The following SNX29 variants were observed in gnomAD, a reference collection of about 807,000 sequenced individuals.
SNX29 encodes sorting nexin-29.
In SNX29, 78 loss-of-function variants were observed where a neutral mutation model predicts 102.1. That is an observed-to-expected ratio of 0.76 (90% confidence interval 0.64 to 0.92). The LOEUF is 0.92. SNX29 is among the 40% of genes least tolerant of loss of function. The pLI, the probability that SNX29 is intolerant of heterozygous loss-of-function variation, is 0.00. For missense variants in SNX29, 1,280 were observed against 1,061.7 expected (o/e 1.21, Z -2.86); for synonymous variants, 580 against 414.5 (o/e 1.40, Z -4.85).
At chr16:12,134,143 T>C (rs995457420) in intron 13 of SNX29, among the ~76,000 whole-genome samples, 1 of 152,160 alleles carries the variant, frequency 6.6e-6, no homozygotes, top group African/African-American at 2.4e-5. Context: ...ATGAGACATA[T>C]GTTAAAAAAG....
chr16:12,288,644 T>A (rs8063991), intron 15 of SNX29, among the ~76,000 whole-genome samples: 96,460 of 149,784 alleles, frequency 0.64, 32,336 homozygotes, highest in African/African-American at 0.82. Context: ...GCACCACTGC[T>A]TTCCAGCCTA....
At chr16:12,235,785 T>TTGTGTGTGTG (rs71408254) in intron 14 of SNX29, among the ~76,000 whole-genome samples, 7 of 147,958 alleles carry the variant, frequency 4.7e-5, no homozygotes, top group East Asian at 2.0e-4. Context: ...GGGTTGTAAA[T>TTGTGTGTGTG]TGTGTGTGTG....
At chr16:12,452,365 A>AAATGTCAG (rs1309501704) in intron 18 of SNX29, among the ~76,000 whole-genome samples, 12 of 18,538 alleles carry the variant, frequency 6.5e-4, no homozygotes, top group Non-Finnish European at 8.5e-5. Flanking sequence ...GACAGCTCCC[A>AAATGTCAG]TACAAGACTG....
At chr16:12,538,077 C>A (rs1025633571) in intron 20 of SNX29, among the ~76,000 whole-genome samples, 2 of 151,022 alleles carry the variant, frequency 1.3e-5, no homozygotes, top group African/African-American at 4.9e-5. Context: ...GCTTTCTTCT[C>A]AGTGGGCTAA....
chr16:12,024,054 G>A (rs1172031338), intron 3 of SNX29, among the ~76,000 whole-genome samples: 1 of 152,126 alleles, frequency 6.6e-6, no homozygotes, highest in Non-Finnish European at 1.5e-5. Context: ...ACAGAGAGTG[G>A]CGAGCGCTGC....
chr16:12,541,393 C>G (rs139947729), intron 20 of SNX29, among the ~76,000 whole-genome samples: 1 of 152,150 alleles, frequency 6.6e-6, no homozygotes, highest in East Asian at 1.9e-4. Context: ...TGTGCAGGCT[C>G]ATTGTACAGA....
At chr16:11,977,032 G>A in intron 1 of SNX29, 1 of 471,434 alleles carries the variant, frequency 2.1e-6, no homozygotes, top group Non-Finnish European at 3.4e-6. Flanking sequence ...CTGGTCTCCT[G>A]ACTCCTGTCC....
At chr16:12,302,068 GTCCTT>G (rs2080190464) in intron 15 of SNX29, among the ~76,000 whole-genome samples, 1 of 152,308 alleles carries the variant, frequency 6.6e-6, no homozygotes, top group African/African-American at 2.4e-5. Flanking sequence ...AGTGCCTACG[GTCCTT>G]TCTTTATCAG....
intron 13 of SNX29, among the ~76,000 whole-genome samples, chr16:12,157,692 C>T (rs1462007092): frequency 2.6e-5 from 4 of 152,156 alleles, no homozygotes; most frequent in East Asian, 1.9e-4. Context: ...CATGTGAGCT[C>T]GTAAGTGAAG....
chr16:12,227,285 C>G (rs910963252), intron 14 of SNX29, among the ~76,000 whole-genome samples: 7 of 152,178 alleles, frequency 4.6e-5, no homozygotes, highest in Admixed American at 4.6e-4. Context: ...CATTTCTCAC[C>G]TTTTCCTTTT....
At chr16:12,489,581 T>C (rs1223666155) in intron 19 of SNX29, among the ~76,000 whole-genome samples, 8 of 152,340 alleles carry the variant, frequency 5.3e-5, no homozygotes, top group Non-Finnish European at 1.0e-4. Flanking sequence ...TGGGCTGTGG[T>C]GAAGAGTGAA....
chr16:12,543,200 C>T (rs1057095044), intron 20 of SNX29, among the ~76,000 whole-genome samples: 2 of 152,202 alleles, frequency 1.3e-5, no homozygotes, highest in Non-Finnish European at 2.9e-5. Context: ...AAATCATATT[C>T]ATCACGTTGC....
At position 12,569,505 on chromosome 16, in the gene SNX29, A is replaced by G. The variant is rs142288665; in HGVS notation, c.*876A>G. 4.3e-6 allele frequency: 1 copy of G among 231,662 alleles called. No homozygotes were observed. The highest frequency in any genetic ancestry group is 5.6e-5 in the Admixed American group (1 of 17,720). 14.4% of individuals were successfully genotyped at this position (231,662 alleles called of 1,614,324 possible). A position where few individuals can be genotyped will look rare whatever the true frequency, so the allele number is the denominator to read the frequency against. ...ACTGCAGAAGGTTCCAGGGTTTTCA[A>G]ACCAGGCTCCATGACTATGAAGTTG... On this transcript the variant is annotated 3_prime_UTR_variant, in exon 21 of 21. Coordinates refer to ENST00000566228, the MANE Select transcript of SNX29 (RefSeq NM_032167.5).
chr16:12,022,158 A>T (rs1596616628), intron 3 of SNX29, among the ~76,000 whole-genome samples: 3 of 138,668 alleles, frequency 2.2e-5, no homozygotes, highest in South Asian at 2.3e-4. Context: ...AATTGTAAGT[A>T]TACAATTCAG....
Position 12,572,570 on chromosome 16 carries a change from C to T in SNX29, c.*3941C>T, listed in dbSNP as rs373850437. 13 of 1,063,916 alleles carry T rather than the reference C, an allele frequency of 1.2e-5. No individual in the cohort carries two copies. In the East Asian group the frequency reaches 3.5e-4, roughly 29 times the overall value. 65.9% of individuals were successfully genotyped at this position (1,063,916 alleles called of 1,614,324 possible). ...CCATCTGGCTCCTCACAGGGAGGTC[C>T]AGCCATGTTCTCTGGGCTCCCAGTG... On this transcript the variant is annotated 3_prime_UTR_variant, in exon 21 of 21. Coordinates refer to ENST00000566228, the MANE Select transcript of SNX29 (RefSeq NM_032167.5).
Position 12,467,805 on chromosome 16 carries a change from C to T in SNX29, c.2038-9914C>T, listed in dbSNP as rs189364575. ...TCCTCTGGTTGAAGGAGAAAGACAA[C>T]AAACAGGTCTACCTAGCATGCCAGA... On this transcript the variant is annotated intron_variant, in intron 18 of 20. Coordinates refer to ENST00000566228, the MANE Select transcript of SNX29 (RefSeq NM_032167.5). Among the ~76,000 whole-genome samples, 21 of 152,294 alleles carry T rather than the reference C, an allele frequency of 1.4e-4. No homozygotes were observed. The East Asian group carries it at 3.7e-3, about 27-fold the overall frequency.
intron 4 of SNX29, among the ~76,000 whole-genome samples, chr16:12,037,776 A>T (rs1331053722): frequency 6.7e-6 from 1 of 149,904 alleles, no homozygotes; most frequent in Non-Finnish European, 1.5e-5. Context: ...ACATAGTAAG[A>T]CCCTCGTCTC....
chr16:12,306,385 G>A (rs2080339332), intron 15 of SNX29, among the ~76,000 whole-genome samples: 1 of 151,806 alleles, frequency 6.6e-6, no homozygotes, highest in African/African-American at 2.4e-5. Flanking sequence ...GGTGAGTCAG[G>A]TTGTTAAGGC....
chr16:12,130,566 T>C (rs908802032), intron 13 of SNX29, among the ~76,000 whole-genome samples: 2 of 151,720 alleles, frequency 1.3e-5, no homozygotes, highest in African/African-American at 4.8e-5. Context: ...ATAGTATATA[T>C]GCACGTGGTT....
Sources: gnomAD v4.1 joint callset for allele counts (sites outside exome capture counted in the v4.1 genomes callset) on GRCh38, gnomAD v4.1.1 for gene constraint, MANE v1.5 for transcripts, NCBI Gene and HGNC (gene_info 2026-07-23, HGNC 2026-07-21) for gene names.